Variants in ANKRD62 observed in about 807,000 individuals in gnomAD.
The protein encoded by ANKRD62 is ankyrin repeat domain 62, also known as ankyrin repeat domain-containing protein 62.
In ANKRD62, 61 loss-of-function variants were observed where a neutral mutation model predicts 98.8. The ratio of observed to expected loss-of-function variants is 0.62; its 90% CI spans 0.50 to 0.76. ANKRD62 has a LOEUF of 0.76. Ranked by LOEUF, ANKRD62 falls within the 30% of genes least tolerant of loss-of-function variation. The pLI, the probability that ANKRD62 is intolerant of heterozygous loss-of-function variation, is 0.00. For synonymous variants in ANKRD62, 341 were observed against 367.9 expected, an observed-to-expected ratio of 0.93 and a Z score of 0.84; for missense variants, 933 against 1,082.9, an observed-to-expected ratio of 0.86 and a Z score of 1.94.
chr18:12,125,679 C>T lies in ANKRD62; in HGVS notation c.1858C>T (p.Arg620Trp), dbSNP rs760205302. Residue 620 changes from arginine (R) to tryptophan (W), a missense_variant, in exon 13 of 14, where the codon CGG (arginine) becomes TGG (tryptophan). This residue lies in a region of ANKRD62 where 362 missense variants were observed against 434.5 expected (regional missense o/e 0.83). Transcript: ENST00000587848. ...NEEALTKTIT[R>W]YSKELNVLMD... ...GGAAGCATTAACAAAAACAATAACC[C>T]GGTATAGTAAAGAGCTTAATGTTCT... 139 of 1,536,906 alleles carry T rather than the reference C, an allele frequency of 9.0e-5. 1 individual carries two copies. The highest frequency in any genetic ancestry group is 9.8e-5 in the East Asian group (4 of 40,914).
chr18:12,104,055 G>A (rs114123825), intron 7 of ANKRD62, among the ~76,000 whole-genome samples: 1,664 of 152,128 alleles, frequency 0.011, 21 homozygotes, highest in Middle Eastern at 0.054. Context: ...ACACTCAAAT[G>A]TGCACTATTG....
the ANKRD62 span, among the ~76,000 whole-genome samples, chr18:12,135,405 G>C: frequency 6.6e-6 from 1 of 151,276 alleles, no homozygotes; most frequent in Non-Finnish European, 1.5e-5. Context: ...GTATTCCATG[G>C]TGTATATATG....
intron 8 of ANKRD62, among the ~76,000 whole-genome samples, chr18:12,109,237 C>T (rs1045169988): frequency 2.0e-5 from 3 of 152,216 alleles, no homozygotes; most frequent in African/African-American, 7.2e-5. Flanking sequence ...TAGGCATTTC[C>T]ATACATCCTC....
chr18:12,122,200 T>G, intron 10 of ANKRD62, 103 bp from the exon 11 acceptor site: 2 of 789,120 alleles, frequency 2.5e-6, no homozygotes, highest in Non-Finnish European at 3.9e-6. Flanking sequence ...TATGTACATA[T>G]TCATTCAGTG....
chr18:12,167,253 TTAAG>T, the ANKRD62 span, among the ~76,000 whole-genome samples: 1 of 151,792 alleles, frequency 6.6e-6, no homozygotes, highest in African/African-American at 2.4e-5. Flanking sequence ...ATCATTTACA[TTAAG>T]TATTTCTCCT....
At chr18:12,159,817 A>G in the ANKRD62 span, among the ~76,000 whole-genome samples, 1 of 152,200 alleles carries the variant, frequency 6.6e-6, no homozygotes, top group Non-Finnish European at 1.5e-5. Context: ...CCATAAGTGT[A>G]TCTGTGAGAC....
intron 5 of ANKRD62, among the ~76,000 whole-genome samples, chr18:12,098,064 C>G (rs7227838): frequency 0.85 from 129,084 of 152,190 alleles, 55,149 homozygotes; most frequent in Middle Eastern, 0.97. Flanking sequence ...ATAGTTCTAA[C>G]CTGTTAGAGA....
chr18:12,121,202 CT>C (rs955768260), intron 10 of ANKRD62, among the ~76,000 whole-genome samples: 1 of 152,160 alleles, frequency 6.6e-6, no homozygotes, highest in Non-Finnish European at 1.5e-5. Flanking sequence ...CATGCCTTCA[CT>C]TATTGTCTCG....
chr18:12,134,792 T>G, the ANKRD62 span, among the ~76,000 whole-genome samples: 1 of 152,300 alleles, frequency 6.6e-6, no homozygotes, highest in East Asian at 1.9e-4. Flanking sequence ...CATTTTGGTT[T>G]GTTCCAAGTC....
chr18:12,133,328 G>T (rs114181333), downstream of ANKRD62, among the ~76,000 whole-genome samples: 3 of 152,032 alleles, frequency 2.0e-5, no homozygotes, highest in African/African-American at 7.2e-5. Context: ...TGGACATTTC[G>T]ATTGTTTCCA....
chr18:12,172,259 C>T, the ANKRD62 span, among the ~76,000 whole-genome samples: 157 of 152,262 alleles, frequency 1.0e-3, no homozygotes, highest in African/African-American at 3.5e-3. Context: ...CTGGTTTCTC[C>T]CCATCTTTGT....
At chr18:12,171,043 G>A in the ANKRD62 span, among the ~76,000 whole-genome samples, 2 of 151,078 alleles carry the variant, frequency 1.3e-5, no homozygotes, top group Admixed American at 6.6e-5. Flanking sequence ...CTGCACGTGA[G>A]ATGAGTCTTC....
At chr18:12,160,510 C>T in the ANKRD62 span, among the ~76,000 whole-genome samples, 1 of 152,074 alleles carries the variant, frequency 6.6e-6, no homozygotes, top group African/African-American at 2.4e-5. Context: ...GTAGTTTGAC[C>T]CTTCCAGCCA....
chr18:12,171,628 C>G, the ANKRD62 span, among the ~76,000 whole-genome samples: 1 of 152,068 alleles, frequency 6.6e-6, no homozygotes, highest in South Asian at 2.1e-4. Context: ...TGGGGTTGCT[C>G]TTCTCGAGGA....
At chr18:12,135,883 T>C in the ANKRD62 span, among the ~76,000 whole-genome samples, 1 of 151,856 alleles carries the variant, frequency 6.6e-6, no homozygotes, top group Non-Finnish European at 1.5e-5. Flanking sequence ...CACTTTTTGA[T>C]GGGGTTGTTT....
At chr18:12,115,658 C>A in intron 10 of ANKRD62, 124 bp downstream of exon 10, 1 of 850,734 alleles carries the variant, frequency 1.2e-6, no homozygotes. Context: ...AAATATCCTT[C>A]TTGTGAACAT....
rs567430373 is a variant in ANKRD62, at chr18:12,097,811, G to T, written c.752+34G>T. 7.2e-6 allele frequency: 11 copies of T among 1,528,044 alleles called. No homozygotes were observed. In the African/African-American group the frequency reaches 1.5e-4, roughly 21 times the overall value. The allele number at this position is 1,528,044 out of a possible 1,614,324, so 94.7% of individuals were successfully genotyped here. On this transcript the variant is annotated intron_variant, in intron 5 of 13. Coordinates refer to ENST00000587848, the MANE Select transcript of ANKRD62 (RefSeq NM_001277333.2). ...TAAAAAGGCTAGTGAACACTAAATT[G>T]AGGTTTAAAGTCATTGTAACCATTG...
At chr18:12,145,865 C>T in the ANKRD62 span, among the ~76,000 whole-genome samples, 248 of 151,984 alleles carry the variant, frequency 1.6e-3, 2 homozygotes, top group African/African-American at 5.5e-3. Context: ...GATCCCGTTT[C>T]TCATCACAGG....
At chr18:12,171,120 G>C in the ANKRD62 span, among the ~76,000 whole-genome samples, 1 of 152,082 alleles carries the variant, frequency 6.6e-6, no homozygotes, top group Non-Finnish European at 1.5e-5. Context: ...TTTAATTGGA[G>C]CATTTAGCCC....
Sources: gnomAD v4.1 joint callset for allele counts (sites outside exome capture counted in the v4.1 genomes callset) on GRCh38, gnomAD v4.1.1 for gene constraint, gnomAD v4.1.1 regional missense constraint, MANE v1.5 for transcripts, NCBI Gene and HGNC (gene_info 2026-07-23, HGNC 2026-07-21) for gene names.